ITSN1: variants seen among roughly 807,000 people sequenced by gnomAD.
ITSN1 encodes the protein intersectin 1, also known as intersectin-1.
ITSN1 carries 58 observed loss-of-function variants against 239.8 expected under a neutral mutation model. The observed-to-expected ratio is 0.24, with a 90% CI of 0.20 to 0.30. ITSN1 has a LOEUF of 0.30. Among genes scored for constraint, ITSN1 ranks in the 10% least tolerant of loss-of-function variants. The pLI, the probability that ITSN1 is intolerant of heterozygous loss-of-function variation, is 1.00. For synonymous variants in ITSN1, 780 were observed against 770.8 expected, an observed-to-expected ratio of 1.01 and a Z score of -0.20; for missense variants, 1,558 against 2,103.3, an observed-to-expected ratio of 0.74 and a Z score of 5.07.
chr21:33,798,643 T>C (rs1337799334), intron 18 of ITSN1, among the ~76,000 whole-genome samples: 1 of 152,208 alleles, frequency 6.6e-6, no homozygotes, highest in Non-Finnish European at 1.5e-5. Flanking sequence ...TGGTCATCCA[T>C]GTGCTTCTTT....
chr21:33,834,800 T>C (rs940410485), intron 28 of ITSN1, among the ~76,000 whole-genome samples: 1 of 151,502 alleles, frequency 6.6e-6, no homozygotes, highest in Non-Finnish European at 1.5e-5. Flanking sequence ...TCTCAGTAGG[T>C]CATGAGATGG....
At chr21:33,791,248 C>T (rs1341311243) in intron 16 of ITSN1, among the ~76,000 whole-genome samples, 3 of 152,210 alleles carry the variant, frequency 2.0e-5, no homozygotes. Context: ...TGTATCTCAG[C>T]AGTGTTTGAC....
chr21:33,885,720 T>C (rs1985683354), intron 38 of ITSN1, among the ~76,000 whole-genome samples, 198 bp downstream of exon 38: 1 of 152,128 alleles, frequency 6.6e-6, no homozygotes, highest in Non-Finnish European at 1.5e-5. Flanking sequence ...ATTCTGCTTC[T>C]CCGAGGGATC....
rs58230508 is a variant in ITSN1 at position 33,687,398 on chromosome 21, T to TAA, written c.-32-31370_-32-31369dup. On this transcript the variant is annotated intron_variant, in intron 1 of 39. Transcript: ENST00000381318. ...GGGCAACAAGAGCAGAACTCCATCT[T>TAA]AAAAAAAAAAAAAAAAAAAAAAAAA... Among the ~76,000 whole-genome samples the TAA allele has an allele frequency of 7.4e-5, 6 of 81,342 alleles. No individual in the cohort carries two copies. In the East Asian group the frequency reaches 2.0e-3, roughly 28 times the overall value. 53.4% of individuals were successfully genotyped at this position (81,342 alleles called of 152,430 possible).
intron 1 of ITSN1, among the ~76,000 whole-genome samples, chr21:33,710,091 T>G (rs1325270308): frequency 6.6e-6 from 1 of 151,320 alleles, no homozygotes; most frequent in Non-Finnish European, 1.5e-5. Flanking sequence ...GTTTTTTTTT[T>G]TTTTTGAGAC....
Position 33,751,803 on chromosome 21 carries a change from T to G in ITSN1, c.527-7T>G. ...GAATTAAAATTATTCAACATTTATTTTTACAGCAGCCACATTGCCAAAGAG... is the reference window on the plus strand; with the variant it reads ...GAATTAAAATTATTCAACATTTATTGTTACAGCAGCCACATTGCCAAAGAG... On this transcript the variant is annotated splice_polypyrimidine_tract_variant and splice_region_variant and intron_variant, in intron 6 of 39. Transcript: ENST00000381318. 6.3e-7 allele frequency: 1 copy of G among 1,593,444 alleles called. No homozygotes were observed. The highest frequency in any genetic ancestry group is 8.6e-7 in the Non-Finnish European group (1 of 1,163,510).
chr21:33,739,533 T>G (rs1311020371), intron 5 of ITSN1, among the ~76,000 whole-genome samples: 1 of 152,076 alleles, frequency 6.6e-6, no homozygotes, highest in Admixed American at 6.5e-5. Context: ...ATAAATACTT[T>G]TAGGTGAGAA....
intron 22 of ITSN1, among the ~76,000 whole-genome samples, chr21:33,815,588 A>C (rs531174012): frequency 1.2e-3 from 183 of 152,292 alleles, no homozygotes; most frequent in Non-Finnish European, 1.3e-3. Context: ...TGCAAAAGGA[A>C]AGAGAAGGAC....
At chr21:33,735,523 C>G in intron 5 of ITSN1, 1 of 300,804 alleles carries the variant, frequency 3.3e-6, no homozygotes, top group Non-Finnish European at 6.2e-6. Context: ...CAGGTTGTTG[C>G]ATACTTCCTT....
intron 1 of ITSN1, among the ~76,000 whole-genome samples, chr21:33,678,737 C>T (rs1232090812): frequency 2.6e-5 from 4 of 151,994 alleles, no homozygotes; most frequent in Admixed American, 6.6e-5. Flanking sequence ...GTGGGGGATC[C>T]GAGTCTCGCT....
At chr21:33,777,212 A>G (rs1238699241) in intron 14 of ITSN1, among the ~76,000 whole-genome samples, 1 of 152,206 alleles carries the variant, frequency 6.6e-6, no homozygotes, top group South Asian at 2.1e-4. Context: ...TTATAGCACC[A>G]TTTATTAAAA....
intron 9 of ITSN1, among the ~76,000 whole-genome samples, chr21:33,763,663 CAG>C (rs1290996068): frequency 2.0e-5 from 3 of 151,908 alleles, no homozygotes; most frequent in Admixed American, 6.6e-5. Flanking sequence ...AAGACTGTGC[CAG>C]AGAGGTCTCT....
chr21:33,871,739 C>CA (rs59249373), intron 33 of ITSN1, among the ~76,000 whole-genome samples: 267 of 137,906 alleles, frequency 1.9e-3, no homozygotes, highest in African/African-American at 5.5e-3. Flanking sequence ...GACTCAGTCT[C>CA]AAAAAAAAAA....
intron 3 of ITSN1, 83 bp from the exon 4 acceptor site, chr21:33,722,505 T>C: frequency 2.7e-6 from 4 of 1,488,318 alleles, no homozygotes; most frequent in Non-Finnish European, 3.6e-6. Context: ...TCTTTGTAAA[T>C]TTTGTAATTT....
chr21:33,673,676 G>A (rs1240283082), intron 1 of ITSN1, among the ~76,000 whole-genome samples: 1 of 152,150 alleles, frequency 6.6e-6, no homozygotes, highest in Non-Finnish European at 1.5e-5. Context: ...CCAGCTGTTT[G>A]TCCTCAGCTC....
intron 1 of ITSN1, among the ~76,000 whole-genome samples, chr21:33,669,690 C>T (rs1482229873): frequency 6.6e-6 from 1 of 152,166 alleles, no homozygotes. Flanking sequence ...ATCCACCCAC[C>T]TTGACCTCCC....
At position 33,895,421 on chromosome 21, in the gene ITSN1, T is replaced by TTGCGTGTG. The variant is rs1986654750; in HGVS notation, c.*7123_*7124insCGTGTGTG. 1.0e-5 allele frequency: 1 copy of TTGCGTGTG among 97,550 alleles called. No individual in the cohort carries two copies. The highest frequency in any genetic ancestry group is 2.4e-5 in the Non-Finnish European group (1 of 42,304). The allele number at this position is 97,550 out of a possible 1,614,324, so 6.0% of individuals were successfully genotyped here. ...CAGTGCGTGGTGTGTGCATGCGTGT[T>TTGCGTGTG]TGTGCGTGCGTGTGCATGTATGTGT... On this transcript the variant is annotated 3_prime_UTR_variant, in exon 40 of 40. Transcript: ENST00000381318.
chr21:33,837,780 T>C lies in ITSN1; in HGVS notation c.3661+1148T>C, dbSNP rs765703712. ...TGTAGCCACATGAGAAAGCACTCTG[T>C]GTTTTTGTTCGGTCTCAGATTTATC... On this transcript the variant is annotated intron_variant, in intron 29 of 39. Coordinates refer to ENST00000381318, the MANE Select transcript of ITSN1 (RefSeq NM_003024.3). 6.8e-5 allele frequency: 67 copies of C among 985,798 alleles called. 1 individual carries two copies. Among genetic ancestry groups the C allele is most frequent in the Non-Finnish European group, 7.5e-5 (62 of 829,954 alleles). The allele number at this position is 985,798 out of a possible 1,614,324, so 61.1% of individuals were successfully genotyped here. A position where few individuals can be genotyped will look rare whatever the true frequency, so the allele number is the denominator to read the frequency against.
At chr21:33,733,640 A>G (rs2066323825) in intron 4 of ITSN1, among the ~76,000 whole-genome samples, 1 of 152,152 alleles carries the variant, frequency 6.6e-6, no homozygotes, top group South Asian at 2.1e-4. Context: ...CAATATATAG[A>G]AAATTTGGCA....
Sources: allele counts gnomAD v4.1 joint callset (sites outside exome capture counted in the v4.1 genomes callset), GRCh38; gene constraint gnomAD v4.1.1; transcripts MANE v1.5; gene names NCBI Gene and HGNC (gene_info 2026-07-23, HGNC 2026-07-21).